THSD7A: variants seen among roughly 807,000 people sequenced by gnomAD.
THSD7A encodes the protein thrombospondin type-1 domain-containing protein 7A.
A neutral mutation model predicts 231.3 loss-of-function variants in THSD7A; 96 were observed. The observed-to-expected ratio is 0.41, with a 90% CI of 0.35 to 0.49. The LOEUF (loss-of-function observed/expected upper bound fraction) is 0.49, where lower values mean the gene tolerates loss of function less well. THSD7A is among the 20% of genes least tolerant of loss of function. THSD7A has a pLI of 0.05. For synonymous variants in THSD7A, 940 were observed against 743.3 expected, an observed-to-expected ratio of 1.26 and a Z score of -4.30; for missense variants, 2,290 against 2,070.2, an observed-to-expected ratio of 1.11 and a Z score of -2.06.
At chr7:11,603,954 A>G (rs544572275) in intron 2 of THSD7A, among the ~76,000 whole-genome samples, 1 of 151,848 alleles carries the variant, frequency 6.6e-6, no homozygotes, top group East Asian at 2.0e-4. Context: ...GGTGCAGTGC[A>G]CCAGCATGGC....
At position 11,755,993 on chromosome 7, in the gene THSD7A, T is replaced by C. The variant is rs530139760; in HGVS notation, c.190+75764A>G. Among the ~76,000 whole-genome samples the C allele has an allele frequency of 5.3e-5, 8 of 152,224 alleles. No homozygotes were observed. In the South Asian group the frequency reaches 1.0e-3, roughly 20 times the overall value. The stretch of plus-strand genomic sequence containing the variant: ...AAAACACAATTTTCATGTGCACTTA[T>C]ATTTCTAAGTTTCAGCTAAAAATCT... On this transcript the variant is annotated intron_variant, in intron 1 of 27. Transcript: ENST00000423059.
chr7:11,606,259 A>G (rs1036792810), intron 2 of THSD7A, among the ~76,000 whole-genome samples: 1 of 152,162 alleles, frequency 6.6e-6, no homozygotes. Flanking sequence ...GGCATGTGGC[A>G]TGAGCTACAT....
intron 4 of THSD7A, among the ~76,000 whole-genome samples, chr7:11,588,070 G>C (rs1268323114): frequency 6.6e-6 from 1 of 152,178 alleles, no homozygotes; most frequent in Non-Finnish European, 1.5e-5. Context: ...TTCTTGAAAT[G>C]AGTGTCTTCT....
rs1355587134 is a variant in THSD7A at position 11,636,762 on chromosome 7, A to G, written c.390T>C (p.Asn130=). 2 of 1,613,966 alleles carry G rather than the reference A, an allele frequency of 1.2e-6. No individual in the cohort carries two copies. The highest frequency in any genetic ancestry group is 1.7e-6 in the Non-Finnish European group (2 of 1,179,878). ...ELYDWRLGPW[N]QCQPVISKSL... ...TTTTTGAAATCACGGGCTGACACTG[A>G]TTCCAAGGTCCCAGTCTCCAGTCGT... Residue 130 remains asparagine, a synonymous_variant, in exon 2 of 28, where the codon AAT becomes AAC. Transcript: ENST00000423059. This position sits in a 1 kb window ranked among gnomAD's most constrained non-coding sequence, Gnocchi z 10.0.
chr7:11,557,579 C>A (rs1250777073), intron 4 of THSD7A, among the ~76,000 whole-genome samples: 2 of 152,000 alleles, frequency 1.3e-5, no homozygotes, highest in African/African-American at 2.4e-5. Context: ...TTTTAAAATC[C>A]TTTTCTTCTT....
chr7:11,389,508 G>T (rs796917425), intron 23 of THSD7A, among the ~76,000 whole-genome samples: 35 of 127,354 alleles, frequency 2.7e-4, no homozygotes, highest in African/African-American at 1.0e-3. Flanking sequence ...TTGAGCCTAT[G>T]TGTGTCTTTG....
At chr7:11,491,514 T>C (rs1320486630) in intron 6 of THSD7A, among the ~76,000 whole-genome samples, 1 of 152,108 alleles carries the variant, frequency 6.6e-6, no homozygotes, top group Non-Finnish European at 1.5e-5. Context: ...CTCAGGCATC[T>C]TCTAGCAGGA....
intron 1 of THSD7A, among the ~76,000 whole-genome samples, chr7:11,653,487 T>C (rs1485304202): frequency 6.7e-6 from 1 of 150,206 alleles, no homozygotes; most frequent in African/African-American, 2.5e-5. Flanking sequence ...TGTGTGTGTG[T>C]GTGTGTGTGT....
intron 2 of THSD7A, among the ~76,000 whole-genome samples, chr7:11,626,312 G>T (rs1047502667): frequency 1.3e-5 from 2 of 151,990 alleles, no homozygotes; most frequent in African/African-American, 4.8e-5. Context: ...GGAGCAGAAA[G>T]AAATCTTTGC....
intron 1 of THSD7A, among the ~76,000 whole-genome samples, chr7:11,675,741 C>T (rs1783615334): frequency 6.6e-6 from 1 of 152,196 alleles, no homozygotes; most frequent in Non-Finnish European, 1.5e-5. Context: ...CAGGGCATCT[C>T]TGAAAGGAAG....
intron 1 of THSD7A, among the ~76,000 whole-genome samples, chr7:11,655,775 T>G (rs186544752): frequency 6.6e-6 from 1 of 151,952 alleles, no homozygotes; most frequent in Admixed American, 6.6e-5. Flanking sequence ...AATACTCTGC[T>G]AAGTCATCTC....
At chr7:11,782,082 T>C (rs1783649068) in intron 1 of THSD7A, among the ~76,000 whole-genome samples, 1 of 152,162 alleles carries the variant, frequency 6.6e-6, no homozygotes, top group Non-Finnish European at 1.5e-5. Context: ...TCACCTTTGG[T>C]TAAAAACCAC....
chr7:11,649,704 T>C (rs1041604498), intron 1 of THSD7A, among the ~76,000 whole-genome samples: 2 of 152,038 alleles, frequency 1.3e-5, no homozygotes, highest in Non-Finnish European at 2.9e-5. Context: ...ACTTTTGTTA[T>C]AACACAGCAG....
chr7:11,799,147 T>A (rs185075001), intron 1 of THSD7A, among the ~76,000 whole-genome samples: 1 of 152,150 alleles, frequency 6.6e-6, no homozygotes, highest in Non-Finnish European at 1.5e-5. Context: ...GGTCTCGATC[T>A]CTTGACCTCA....
intron 4 of THSD7A, among the ~76,000 whole-genome samples, chr7:11,563,064 A>G (rs1479447132): frequency 1.3e-5 from 2 of 152,208 alleles, no homozygotes; most frequent in Non-Finnish European, 2.9e-5. Context: ...AAAATTAATC[A>G]AATTCAATGT....
At chr7:11,548,849 T>TAA (rs56231315) in intron 4 of THSD7A, among the ~76,000 whole-genome samples, 38,283 of 149,054 alleles carry the variant, frequency 0.26, 4,923 homozygotes, top group Middle Eastern at 0.36. Flanking sequence ...GGAAAATACC[T>TAA]AAAAAAAAAA....
intron 1 of THSD7A, among the ~76,000 whole-genome samples, chr7:11,735,596 A>G (rs984982077): frequency 1.3e-5 from 2 of 151,956 alleles, no homozygotes; most frequent in African/African-American, 4.8e-5. Flanking sequence ...CTGAAATTCA[A>G]AACATTTCTG....
intron 6 of THSD7A, among the ~76,000 whole-genome samples, chr7:11,496,841 C>A (rs1295835278): frequency 6.6e-6 from 1 of 152,102 alleles, no homozygotes; most frequent in Non-Finnish European, 1.5e-5. Context: ...AAGGGTAGAA[C>A]CAAAGTCAAC....
At chr7:11,703,009 C>G (rs1780652450) in intron 1 of THSD7A, among the ~76,000 whole-genome samples, 1 of 151,198 alleles carries the variant, frequency 6.6e-6, no homozygotes, top group Non-Finnish European at 1.5e-5. Context: ...GAAGAAGAAA[C>G]TCTTTTAAAC....
Sources: allele counts gnomAD v4.1 joint callset (sites outside exome capture counted in the v4.1 genomes callset), GRCh38; gene constraint gnomAD v4.1.1; non-coding constraint Gnocchi (gnomAD v3.1); transcripts MANE v1.5; gene names NCBI Gene and HGNC (gene_info 2026-07-23, HGNC 2026-07-21).